PALLD: variants seen among roughly 807,000 people sequenced by gnomAD.
PALLD encodes the protein palladin, cytoskeletal associated protein.
PALLD carries 61 observed loss-of-function variants against 123.5 expected under a neutral mutation model. That is an observed-to-expected ratio of 0.49 (90% CI 0.40 to 0.61). The LOEUF is 0.61. Ranked by LOEUF, PALLD falls within the 20% of genes least tolerant of loss-of-function variation. PALLD has a pLI of 0.00. For synonymous variants in PALLD, 465 were observed against 496.4 expected (o/e 0.94, Z 0.84); for missense variants, 1,273 against 1,377.0 (o/e 0.92, Z 1.20).
At chr4:168,726,621 G>A (rs909064074) in intron 10 of PALLD, among the ~76,000 whole-genome samples, 24 of 151,924 alleles carry the variant, frequency 1.6e-4, no homozygotes, top group African/African-American at 4.1e-4. Flanking sequence ...GGCTTCAAGC[G>A]ATCCTCTAGC....
At chr4:168,816,426 A>G (rs1298674817) in intron 10 of PALLD, among the ~76,000 whole-genome samples, 1 of 133,428 alleles carries the variant, frequency 7.5e-6, no homozygotes, top group South Asian at 2.3e-4. Flanking sequence ...TTTTTTAAGT[A>G]TTAGATTGGA....
chr4:168,676,857 G>T (rs1291206660), intron 3 of PALLD, among the ~76,000 whole-genome samples: 1 of 152,044 alleles, frequency 6.6e-6, no homozygotes, highest in East Asian at 1.9e-4. Context: ...GGGATTACAG[G>T]TGTGAGCCAC....
chr4:168,726,361 A>G (rs980501938), intron 10 of PALLD, among the ~76,000 whole-genome samples: 1 of 152,158 alleles, frequency 6.6e-6, no homozygotes, highest in Non-Finnish European at 1.5e-5. Context: ...TATTTTTCTT[A>G]TTTTGCATTA....
In PALLD at chr4:168,780,686, G is replaced by T. The variant is rs745971717; in HGVS notation, c.1964+68763G>T. Among the ~76,000 whole-genome samples the T allele has an allele frequency of 2.6e-5, 4 of 152,018 alleles. No homozygotes were observed. In the East Asian group the frequency reaches 5.8e-4, roughly 22 times the overall value. On this transcript the variant is annotated intron_variant, in intron 10 of 21. Coordinates refer to ENST00000505667, the MANE Select transcript of PALLD (RefSeq NM_001166108.2). ...CCGCATGTGTAGTTTTGGTTTTTTT[G>T]TTGTTGTTGTTTGTTTTTGGAGACA...
intron 21 of PALLD, 138 bp from the exon 22 acceptor site, chr4:168,926,075 C>CTAAATTTT (rs1762533111): frequency 1.5e-6 from 1 of 666,562 alleles, no homozygotes. Context: ...AAAAGTGTTC[C>CTAAATTTT]TAAATTTTCC....
chr4:168,858,569 G>A (rs184380440), intron 10 of PALLD, among the ~76,000 whole-genome samples: 1 of 151,870 alleles, frequency 6.6e-6, no homozygotes, highest in Admixed American at 6.6e-5. Flanking sequence ...AATTGCTTGA[G>A]CTTAGGAATT....
chr4:168,750,507 A>G (rs1294008743), intron 10 of PALLD, among the ~76,000 whole-genome samples: 1 of 152,172 alleles, frequency 6.6e-6, no homozygotes, highest in Non-Finnish European at 1.5e-5. Context: ...GTGGTTTAGG[A>G]TATGTTCACC....
chr4:168,686,783 A>G (rs928295978), intron 6 of PALLD: 1 of 152,150 alleles, frequency 6.6e-6, no homozygotes, highest in Non-Finnish European at 1.5e-5. Flanking sequence ...AGTTGTGTGG[A>G]GGAAAAAAGT....
chr4:168,692,655 C>T (rs57498842), intron 8 of PALLD, among the ~76,000 whole-genome samples: 1 of 152,074 alleles, frequency 6.6e-6, no homozygotes, highest in African/African-American at 2.4e-5. Context: ...CAAGAAATAG[C>T]TTTTTATGTG....
At position 168,509,706 on chromosome 4, in the gene PALLD, T is replaced by C. The variant is rs555726745; in HGVS notation, c.-82-1717T>C. 1.1e-4 allele frequency among the ~76,000 whole-genome samples: 16 copies of C among 152,338 alleles called. No individual in the cohort carries two copies. In the South Asian group the frequency reaches 2.9e-3, roughly 28 times the overall value. Reference sequence around the variant, plus strand: ...TTCAGTAGATAGAGTAGGGCTAGCATGTGGTGAATCTAATAATTCAGGCAC... The same window carrying C: ...TTCAGTAGATAGAGTAGGGCTAGCACGTGGTGAATCTAATAATTCAGGCAC... On this transcript the variant is annotated intron_variant, in intron 1 of 21. Coordinates refer to ENST00000505667, the MANE Select transcript of PALLD (RefSeq NM_001166108.2).
chr4:168,544,176 T>C (rs914753427), intron 2 of PALLD, among the ~76,000 whole-genome samples: 1 of 152,270 alleles, frequency 6.6e-6, no homozygotes, highest in East Asian at 1.9e-4. Context: ...GTTTATACTT[T>C]CTCTCACTGA....
At chr4:168,746,929 G>A (rs1475956609) in intron 10 of PALLD, among the ~76,000 whole-genome samples, 2 of 152,194 alleles carry the variant, frequency 1.3e-5, no homozygotes, top group East Asian at 3.9e-4. Flanking sequence ...AAAACTGCAT[G>A]ATCAGATAAC....
Position 168,877,921 on chromosome 4 carries a change from C to T in PALLD, c.1965-13001C>T, listed in dbSNP as rs1239099971. 6.7e-7 allele frequency: 1 copy of T among 1,486,304 alleles called. No homozygotes were observed. The highest frequency in any genetic ancestry group is 1.3e-5 in the South Asian group (1 of 79,906). The allele number at this position is 1,486,304 out of a possible 1,614,324, so 92.1% of individuals were successfully genotyped here. A position where few individuals can be genotyped will look rare whatever the true frequency, so the allele number is the denominator to read the frequency against. On this transcript the variant is annotated intron_variant, in intron 10 of 21. Coordinates refer to ENST00000505667, the MANE Select transcript of PALLD (RefSeq NM_001166108.2). ...GCGCGCTGGCCTCCCGCTCCGCCCC[C>T]GCCATGCAGTCCTCCGGCTCCTTCA...
intron 2 of PALLD, among the ~76,000 whole-genome samples, chr4:168,616,123 C>CA (rs1393592911): frequency 5.3e-5 from 8 of 150,322 alleles, no homozygotes; most frequent in East Asian, 3.9e-4. Context: ...ATTTTGTGAC[C>CA]AAAAAAAAAT....
intron 10 of PALLD, among the ~76,000 whole-genome samples, chr4:168,885,009 C>T (rs1165952893): frequency 3.9e-5 from 6 of 152,228 alleles, no homozygotes; most frequent in South Asian, 4.1e-4. Context: ...CTAGCCCAAA[C>T]CACACAGCTT....
chr4:168,683,485 A>G (rs1781748601), intron 5 of PALLD, among the ~76,000 whole-genome samples: 1 of 152,220 alleles, frequency 6.6e-6, no homozygotes, highest in African/African-American at 2.4e-5. Context: ...ATACCAACAA[A>G]AAGCTTTCCC....
At chr4:168,898,737 T>C in intron 14 of PALLD, 23 bp downstream of exon 14, 1 of 1,483,430 alleles carries the variant, frequency 6.7e-7, no homozygotes, top group African/African-American at 1.4e-5. Flanking sequence ...ATGGAGGCTT[T>C]TTAAGAGTCA....
At chr4:168,503,954 T>C (rs1166186213) in intron 1 of PALLD, among the ~76,000 whole-genome samples, 5 of 152,226 alleles carry the variant, frequency 3.3e-5, no homozygotes, top group African/African-American at 7.2e-5. Context: ...TTTGTACCTA[T>C]GATCTCTCTT....
chr4:168,759,981 G>C (rs1420376286), intron 10 of PALLD, among the ~76,000 whole-genome samples: 3 of 151,958 alleles, frequency 2.0e-5, no homozygotes, highest in East Asian at 1.9e-4. Flanking sequence ...TGGAACCCAG[G>C]GGGCAGAGGT....
Sources: gnomAD v4.1 joint callset for allele counts (sites outside exome capture counted in the v4.1 genomes callset) on GRCh38, gnomAD v4.1.1 for gene constraint, MANE v1.5 for transcripts, NCBI Gene and HGNC (gene_info 2026-07-23, HGNC 2026-07-21) for gene names.